NFAT5: variants seen among roughly 807,000 people sequenced by gnomAD.
NFAT5 encodes the protein nuclear factor of activated T-cells 5.
In NFAT5, 31 loss-of-function variants were observed where a neutral mutation model predicts 166.5. The observed-to-expected ratio is 0.19, with a 90% CI of 0.14 to 0.25. The LOEUF is 0.25. NFAT5 is among the 10% of genes least tolerant of loss of function. The probability of loss-of-function intolerance (pLI) is 1.00; values close to 1 mark genes in which losing one functional copy is unlikely to be tolerated. For missense variants in NFAT5, 1,449 were observed against 1,821.8 expected (o/e 0.80, Z 3.72); for synonymous variants, 612 against 639.7 (o/e 0.96, Z 0.65).
chr16:69,673,568 T>G (rs926920603), intron 9 of NFAT5, among the ~76,000 whole-genome samples: 1 of 151,760 alleles, frequency 6.6e-6, no homozygotes, highest in Admixed American at 6.6e-5. Context: ...ACAAAAAATT[T>G]AAAATATAGC....
chr16:69,577,735 T>A (rs1249173598), intron 2 of NFAT5, among the ~76,000 whole-genome samples: 1 of 152,132 alleles, frequency 6.6e-6, no homozygotes, highest in Non-Finnish European at 1.5e-5. Flanking sequence ...ACATACTTTT[T>A]AAAAAAACTC....
chr16:69,658,829 AAAAAT>A (rs1344363301), intron 6 of NFAT5, among the ~76,000 whole-genome samples: 5 of 152,198 alleles, frequency 3.3e-5, no homozygotes, highest in Non-Finnish European at 2.9e-5. Flanking sequence ...TCTGTCTCAA[AAAAAT>A]AAAATAAAAA....
chr16:69,596,574 C>A (rs905275105), intron 2 of NFAT5, among the ~76,000 whole-genome samples: 3 of 151,914 alleles, frequency 2.0e-5, no homozygotes, highest in African/African-American at 7.3e-5. Context: ...AAAAATTAGC[C>A]GGGCGTGGTG....
chr16:69,695,485 T>C lies in NFAT5; in HGVS notation c.*8+106T>C, dbSNP rs552697249. 5.3e-6 allele frequency: 4 copies of C among 761,034 alleles called. No homozygotes were observed. The East Asian group carries it at 1.0e-4, about 20-fold the overall frequency. The allele number at this position is 761,034 out of a possible 1,614,324, so 47.1% of individuals were successfully genotyped here. ...TCTAATCTTTTAAAATGTGGCTTTC[T>C]CACAAGATGATACTTTTTTACTCTG... On this transcript the variant is annotated intron_variant, in intron 14 of 14. Coordinates refer to ENST00000349945, the MANE Select transcript of NFAT5 (RefSeq NM_138713.4).
chr16:69,607,476 C>T (rs1437989062), intron 2 of NFAT5, among the ~76,000 whole-genome samples: 2 of 152,164 alleles, frequency 1.3e-5, no homozygotes, highest in African/African-American at 4.8e-5. Flanking sequence ...CTGATCAAGC[C>T]AAATGAAAAT....
chr16:69,588,980 CTTTTTTT>C (rs945918292), intron 2 of NFAT5, among the ~76,000 whole-genome samples: 19 of 34,364 alleles, frequency 5.5e-4, no homozygotes, highest in South Asian at 2.7e-3. Flanking sequence ...TTTCCTACTT[CTTTTTTT>C]TTTTTTTTTT....
At chr16:69,624,357 C>T (rs1476739257) in intron 2 of NFAT5, among the ~76,000 whole-genome samples, 1 of 151,850 alleles carries the variant, frequency 6.6e-6, no homozygotes. Context: ...AGGTGACCAC[C>T]ACCACGCCTG....
chr16:69,580,632 A>T (rs910362709), intron 2 of NFAT5, among the ~76,000 whole-genome samples: 7 of 152,144 alleles, frequency 4.6e-5, no homozygotes, highest in Admixed American at 2.0e-4. Context: ...CTTTAGTAGT[A>T]TCCATGGGTT....
chr16:69,575,434 C>T (rs1415380390), intron 2 of NFAT5, among the ~76,000 whole-genome samples: 1 of 152,086 alleles, frequency 6.6e-6, no homozygotes. Context: ...TCCCAAAGTG[C>T]TGGGATTACA....
chr16:69,674,897 T>C (rs1404473363), intron 9 of NFAT5, among the ~76,000 whole-genome samples: 2 of 152,234 alleles, frequency 1.3e-5, no homozygotes, highest in Non-Finnish European at 2.9e-5. Context: ...GTTTTCCTCT[T>C]TTTATCCCAA....
At chr16:69,648,163 C>T (rs554202165) in intron 4 of NFAT5, 18 of 954,126 alleles carry the variant, frequency 1.9e-5, no homozygotes, top group African/African-American at 1.5e-4. Context: ...GCGACAAGAG[C>T]GAAACTCCAT....
rs2037915292 is a variant in NFAT5 at position 69,702,490 on chromosome 16, A to G, written c.*6139A>G. On this transcript the variant is annotated 3_prime_UTR_variant, in exon 15 of 15. Transcript: ENST00000349945. ...GTGCCATGTATATAAGAACATTACA[A>G]TATATCTTTTTCTACATATGTAGTA... 6.6e-6 allele frequency: 1 copy of G among 152,362 alleles called. No individual in the cohort carries two copies. Among genetic ancestry groups the G allele is most frequent in the Non-Finnish European group, 1.5e-5 (1 of 68,038 alleles). The allele number at this position is 152,362 out of a possible 1,614,324, so 9.4% of individuals were successfully genotyped here. A position where few individuals can be genotyped will look rare whatever the true frequency, so the allele number is the denominator to read the frequency against.
Position 69,566,454 on chromosome 16 carries a change from T to G in NFAT5, c.73+80T>G, listed in dbSNP as rs2142880300. 1 of 1,246,570 alleles carries G rather than the reference T, an allele frequency of 8.0e-7. No individual in the cohort carries two copies. The highest frequency in any genetic ancestry group is 1.1e-6 in the Non-Finnish European group (1 of 882,656). 77.2% of individuals were successfully genotyped at this position (1,246,570 alleles called of 1,614,324 possible). On this transcript the variant is annotated intron_variant, in intron 1 of 14. Coordinates refer to ENST00000349945, the MANE Select transcript of NFAT5 (RefSeq NM_138713.4). The surrounding 1 kb of genome is among the most constrained non-coding windows in gnomAD (Gnocchi z 5.7). ...AGACAGGGCCAGGGGAGGCGAGGGG[T>G]CCCCGTCCCGCCGGGGGCGGCTGAG...
intron 2 of NFAT5, among the ~76,000 whole-genome samples, chr16:69,586,387 A>G (rs1367928314): frequency 6.6e-6 from 1 of 152,040 alleles, no homozygotes; most frequent in Non-Finnish European, 1.5e-5. Flanking sequence ...AGACATATTA[A>G]CCTTGTTTAG....
intron 3 of NFAT5, among the ~76,000 whole-genome samples, chr16:69,629,429 A>G (rs577431465): frequency 2.0e-4 from 31 of 152,288 alleles, no homozygotes; most frequent in Admixed American, 8.5e-4. Context: ...AAGAGCGTCT[A>G]TCAAGCCTTT....
At chr16:69,691,401 G>A (rs1377317753) in intron 12 of NFAT5, among the ~76,000 whole-genome samples, 1 of 151,806 alleles carries the variant, frequency 6.6e-6, no homozygotes, top group African/African-American at 2.4e-5. Context: ...CCCCTGTAAT[G>A]TTACTGAGGA....
At chr16:69,610,611 A>T (rs1314956251) in intron 2 of NFAT5, among the ~76,000 whole-genome samples, 1 of 152,304 alleles carries the variant, frequency 6.6e-6, no homozygotes, top group East Asian at 1.9e-4. Context: ...TCAGCCAGCT[A>T]TTCTCCTGCC....
chr16:69,568,249 G>A (rs1279728916), intron 1 of NFAT5, among the ~76,000 whole-genome samples: 2 of 152,102 alleles, frequency 1.3e-5, no homozygotes, highest in African/African-American at 4.8e-5. Context: ...GAATCCGGGA[G>A]GCGGAGGTTG....
chr16:69,694,293 A>G, intron 13 of NFAT5, 54 bp downstream of exon 13: 1 of 1,399,868 alleles, frequency 7.1e-7, no homozygotes, highest in East Asian at 2.4e-5. Context: ...TATTAGAAGG[A>G]AGCAGAGTGC....
Sources: allele counts gnomAD v4.1 joint callset (sites outside exome capture counted in the v4.1 genomes callset), GRCh38; gene constraint gnomAD v4.1.1; non-coding constraint Gnocchi (gnomAD v3.1); transcripts MANE v1.5; gene names NCBI Gene and HGNC (gene_info 2026-07-23, HGNC 2026-07-21).